The following DMRT1 variants were observed in gnomAD, a reference collection of about 807,000 sequenced individuals.
The protein encoded by DMRT1 is doublesex- and mab-3-related transcription factor 1.
Under a neutral mutation model 32.3 loss-of-function variants are expected in DMRT1, and 7 were observed. That is an observed-to-expected ratio of 0.22 (90% CI 0.12 to 0.41). The LOEUF (loss-of-function observed/expected upper bound fraction) is 0.41. Among genes scored for constraint, DMRT1 ranks in the 10% least tolerant of loss-of-function variants. The probability of loss-of-function intolerance (pLI) is 1.00; values close to 1 mark genes in which losing one functional copy is unlikely to be tolerated. For synonymous variants in DMRT1, 278 were observed against 206.1 expected, an observed-to-expected ratio of 1.35 and a Z score of -2.99; for missense variants, 625 against 500.5, an observed-to-expected ratio of 1.25 and a Z score of -2.37.
chr9:890,845 G>C (rs1817118142), intron 2 of DMRT1, among the ~76,000 whole-genome samples: 1 of 152,112 alleles, frequency 6.6e-6, no homozygotes, highest in African/African-American at 2.4e-5. Flanking sequence ...CTCTGCAGTA[G>C]CTGGGTCTAC....
At chr9:868,132 C>G (rs937079281) in intron 2 of DMRT1, among the ~76,000 whole-genome samples, 4 of 152,194 alleles carry the variant, frequency 2.6e-5, no homozygotes, top group Non-Finnish European at 4.4e-5. Flanking sequence ...CGCAAGCCAC[C>G]ATGCCCGGCT....
intron 2 of DMRT1, among the ~76,000 whole-genome samples, chr9:883,789 TA>T (rs377354456): frequency 0.092 from 12,711 of 137,494 alleles, 1,025 homozygotes; most frequent in African/African-American, 0.24. Flanking sequence ...ACCTGTTTCT[TA>T]AAAAAAAAAA....
intron 3 of DMRT1, chr9:894,791 G>GTTTTTTTTT (rs1231759673): frequency 6.8e-6 from 1 of 148,004 alleles, no homozygotes; most frequent in African/African-American, 2.6e-5. Flanking sequence ...CTCCAAGTTT[G>GTTTTTTTTT]TTTTTTTTTT....
intron 4 of DMRT1, among the ~76,000 whole-genome samples, chr9:964,332 T>G (rs750973909): frequency 1.1e-4 from 16 of 152,198 alleles, no homozygotes; most frequent in Non-Finnish European, 1.6e-4. Context: ...TGTAAGGTTT[T>G]CTGTTTATTT....
At chr9:913,016 C>G (rs1041048014) in intron 3 of DMRT1, among the ~76,000 whole-genome samples, 20 of 152,258 alleles carry the variant, frequency 1.3e-4, no homozygotes, top group African/African-American at 4.8e-4. Context: ...GACTGTATGG[C>G]TTGCCTAAAA....
chr9:878,206 C>CCG (rs1554749501), intron 2 of DMRT1, among the ~76,000 whole-genome samples: 5 of 117,894 alleles, frequency 4.2e-5, no homozygotes, highest in Non-Finnish European at 8.7e-5. Flanking sequence ...TGCTGCCCCC[C>CCG]CCCCACCCAA....
chr9:968,122 A>G lies in DMRT1; in HGVS notation c.1105A>G (p.Ile369Val). ...EPSSFTVTPV[I>V]EEDE ...CAGCAGCTTCACAGTCACTCCCGTC[A>G]TCGAGGAGGACGAGTGAGCAGTGCC... Residue 369 changes from isoleucine to valine, a missense_variant, in exon 5 of 5, where the codon ATC becomes GTC. Ile to Val is a conservative substitution (Grantham distance 29, BLOSUM62 3). Transcript: ENST00000382276. 6.2e-7 allele frequency: 1 copy of G among 1,612,716 alleles called. No individual in the cohort carries two copies.
chr9:872,156 G>T (rs1167476302), intron 2 of DMRT1, among the ~76,000 whole-genome samples: 1 of 151,096 alleles, frequency 6.6e-6, no homozygotes, highest in Non-Finnish European at 1.5e-5. Context: ...CTGCCTCCCA[G>T]GTTCAAGGGA....
chr9:912,685 C>T (rs1818031026), intron 3 of DMRT1, among the ~76,000 whole-genome samples: 1 of 151,952 alleles, frequency 6.6e-6, no homozygotes, highest in African/African-American at 2.4e-5. Context: ...TCAGATTTAG[C>T]CTGTTTTAGT....
In DMRT1 at chr9:965,051, A is replaced by G. The variant is rs1269925447; in HGVS notation, c.968-2934A>G. On this transcript the variant is annotated intron_variant, in intron 4 of 4. Transcript: ENST00000382276. The surrounding 1 kb of genome is among the most constrained non-coding windows in gnomAD (Gnocchi z 4.5). ...GGTATGAAATAATTTACAACGGTCAACTATTAGCCTTCTCCTTCCAAAAGT... is the reference window on the plus strand; with the variant it reads ...GGTATGAAATAATTTACAACGGTCAGCTATTAGCCTTCTCCTTCCAAAAGT... 2.0e-5 allele frequency among the ~76,000 whole-genome samples: 3 copies of G among 152,244 alleles called. No homozygotes were observed. The highest frequency in any genetic ancestry group is 7.2e-5 in the African/African-American group (3 of 41,468).
intron 3 of DMRT1, among the ~76,000 whole-genome samples, chr9:900,990 C>G (rs1564236386): frequency 6.9e-6 from 1 of 144,042 alleles, no homozygotes; most frequent in South Asian, 2.5e-4. Context: ...CTGTGCCTAG[C>G]TCTACTTCAG....
chr9:846,953 C>A lies in DMRT1; in HGVS notation c.355-7C>A. On this transcript the variant is annotated splice_polypyrimidine_tract_variant and splice_region_variant and intron_variant, in intron 1 of 4. Transcript: ENST00000382276. ...CTGGAGGATGACTCATTGTCGTGTGCTTCCAGGTGGCCCTGAGAAGGCAGC... is the reference window on the plus strand; with the variant it reads ...CTGGAGGATGACTCATTGTCGTGTGATTCCAGGTGGCCCTGAGAAGGCAGC... 6.2e-7 allele frequency: 1 copy of A among 1,614,104 alleles called. No individual in the cohort carries two copies. The highest frequency in any genetic ancestry group is 8.5e-7 in the Non-Finnish European group (1 of 1,180,042).
At chr9:883,629 A>G (rs1054519197) in intron 2 of DMRT1, among the ~76,000 whole-genome samples, 1 of 147,476 alleles carries the variant, frequency 6.8e-6, no homozygotes, top group Non-Finnish European at 1.5e-5. Flanking sequence ...TGTCTCTACA[A>G]AAAAAAAAAA....
At position 915,799 on chromosome 9, in the gene DMRT1, C is replaced by G. The variant is rs550462981; in HGVS notation, c.823-964C>G. Among the ~76,000 whole-genome samples the G allele has an allele frequency of 7.2e-5, 11 of 151,738 alleles. 1 individual carries two copies. The East Asian group carries it at 2.1e-3, about 29-fold the overall frequency. Reference sequence around the variant, plus strand: ...CCAGGCTGGAGTGCAGTGGCGCGATCTCGGCTCAGTACAAGCTCTGCCTCC... The same window carrying G: ...CCAGGCTGGAGTGCAGTGGCGCGATGTCGGCTCAGTACAAGCTCTGCCTCC... On this transcript the variant is annotated intron_variant, in intron 3 of 4. Coordinates refer to ENST00000382276, the MANE Select transcript of DMRT1 (RefSeq NM_021951.3).
chr9:916,179 G>A (rs2129771968), intron 3 of DMRT1, among the ~76,000 whole-genome samples: 1 of 152,292 alleles, frequency 6.6e-6, no homozygotes, highest in South Asian at 2.1e-4. Flanking sequence ...AGATTGTGTT[G>A]TCCCCTCTCC....
chr9:919,069 A>G (rs552176551), intron 4 of DMRT1, among the ~76,000 whole-genome samples: 3 of 152,294 alleles, frequency 2.0e-5, no homozygotes, highest in African/African-American at 4.8e-5. Context: ...GGATGCGGAC[A>G]TCAGTATATT....
At chr9:876,725 C>A (rs1816516308) in intron 2 of DMRT1, among the ~76,000 whole-genome samples, 1 of 152,066 alleles carries the variant, frequency 6.6e-6, no homozygotes, top group Non-Finnish European at 1.5e-5. Flanking sequence ...GAGATGGGGT[C>A]TCGCCATGTT....
intron 4 of DMRT1, among the ~76,000 whole-genome samples, chr9:964,444 C>T (rs569023506): frequency 3.3e-5 from 5 of 152,034 alleles, no homozygotes; most frequent in African/African-American, 9.7e-5. Context: ...GGGTCAGCCT[C>T]GGAGGTTTAC....
At position 850,166 on chromosome 9, in the gene DMRT1, A is replaced by G. The variant is rs566521213; in HGVS notation, c.538+3023A>G. Among the ~76,000 whole-genome samples the G allele has an allele frequency of 2.6e-5, 4 of 152,320 alleles. No homozygotes were observed. In the South Asian group the frequency reaches 8.3e-4, roughly 32 times the overall value. On this transcript the variant is annotated intron_variant, in intron 2 of 4. Coordinates refer to ENST00000382276, the MANE Select transcript of DMRT1 (RefSeq NM_021951.3). Reference sequence around the variant, plus strand: ...AGCTCATCTCTGTGGGGCAGGAGCCACAGGTTGCTGTCATTCATGGGATTT... The same window carrying G: ...AGCTCATCTCTGTGGGGCAGGAGCCGCAGGTTGCTGTCATTCATGGGATTT...
Sources: allele counts gnomAD v4.1 joint callset (sites outside exome capture counted in the v4.1 genomes callset), GRCh38; gene constraint gnomAD v4.1.1; non-coding constraint Gnocchi (gnomAD v3.1); transcripts MANE v1.5; gene names NCBI Gene and HGNC (gene_info 2026-07-23, HGNC 2026-07-21).